The following BMS1 variants were observed in gnomAD, a reference collection of about 807,000 sequenced individuals.
BMS1 encodes ribosome biogenesis protein BMS1 homolog.
Under a neutral mutation model 138.7 loss-of-function variants are expected in BMS1, and 53 were observed. That is an observed-to-expected ratio of 0.38 (90% CI 0.31 to 0.48). The LOEUF is 0.48. BMS1 is among the 20% of genes least tolerant of loss of function. BMS1 has a pLI of 0.97. For synonymous variants in BMS1, 504 were observed against 539.9 expected, an observed-to-expected ratio of 0.93 and a Z score of 0.92; for missense variants, 1,360 against 1,565.5, an observed-to-expected ratio of 0.87 and a Z score of 2.22.
intron 13 of BMS1, among the ~76,000 whole-genome samples, chr10:42,813,254 G>A (rs935929360): frequency 4.6e-5 from 7 of 152,110 alleles, no homozygotes; most frequent in African/African-American, 9.7e-5. Flanking sequence ...CCATCCATCC[G>A]TCTTTTGGTT....
chr10:42,820,169 T>C, intron 15 of BMS1, 67 bp from the exon 16 acceptor site: 4 of 1,562,564 alleles, frequency 2.6e-6, no homozygotes, highest in Non-Finnish European at 2.6e-6. Context: ...TGCTCATTTG[T>C]TCATGTTAAT....
intron 21 of BMS1, among the ~76,000 whole-genome samples, chr10:42,827,782 A>T (rs1301671822): frequency 2.0e-5 from 3 of 152,028 alleles, no homozygotes; most frequent in Admixed American, 1.3e-4. Flanking sequence ...CTTTCATCAA[A>T]ATATAGTTGT....
At chr10:42,816,470 T>C in intron 13 of BMS1, 129 bp from the exon 14 acceptor site, 1 of 636,728 alleles carries the variant, frequency 1.6e-6, no homozygotes, top group Non-Finnish European at 2.6e-6. Flanking sequence ...GTTTTGCCTG[T>C]GTGTGTAGTG....
intron 13 of BMS1, among the ~76,000 whole-genome samples, chr10:42,804,883 A>G (rs1841971047): frequency 6.6e-6 from 1 of 151,660 alleles, no homozygotes; most frequent in Admixed American, 6.6e-5. Context: ...ACGCCTGCCT[A>G]ATTTTTGTGT....
Position 42,833,365 on chromosome 10 carries a change from T to TC in BMS1, c.*2270dup, listed in dbSNP as rs1842830768. 1 of 152,238 alleles carries TC rather than the reference T, an allele frequency of 6.6e-6. No individual in the cohort carries two copies. Among genetic ancestry groups the TC allele is most frequent in the Non-Finnish European group, 1.5e-5 (1 of 68,046 alleles). 9.4% of individuals were successfully genotyped at this position (152,238 alleles called of 1,614,324 possible). A position where few individuals can be genotyped will look rare whatever the true frequency, so the allele number is the denominator to read the frequency against. ...ACCTGGCCAGGTTAGTAAAATACAG[T>TC]CACACATCAGTTAAGGATGGGGATA... On this transcript the variant is annotated 3_prime_UTR_variant, in exon 23 of 23. Transcript: ENST00000374518.
chr10:42,823,209 T>C lies in BMS1; in HGVS notation c.3224T>C (p.Leu1075Pro). 1 of 1,606,870 alleles carries C rather than the reference T, an allele frequency of 6.2e-7. No homozygotes were observed. Among genetic ancestry groups the C allele is most frequent in the Non-Finnish European group, 8.5e-7 (1 of 1,178,266 alleles). Residue 1075 changes from leucine to proline, a missense_variant, in exon 20 of 23, where the codon CTC (leucine) becomes CCC (proline). By Grantham distance (98) the Leu-to-Pro change is moderately conservative. This residue lies in a region of BMS1 where 425 missense variants were observed against 568.3 expected (regional missense o/e 0.75). Transcript: ENST00000374518. ...ATAAGGGGGCAGATCAAGAAAGCAC[T>C]CCGAGCTCCAGAAGGAGCTTTCAGG... is the stretch of plus-strand genomic sequence containing the variant. ...SGIRGQIKKA[L>P]RAPEGAFRAS...
chr10:42,783,371 C>T (rs1005946071), intron 1 of BMS1, among the ~76,000 whole-genome samples: 4 of 152,198 alleles, frequency 2.6e-5, no homozygotes, highest in African/African-American at 9.7e-5. Flanking sequence ...TCCAGTAGCA[C>T]CCTGTGCAGC....
rs1187484256 is a variant in BMS1 at position 42,821,894 on chromosome 10, T to G, written c.3010-168T>G. Among the ~76,000 whole-genome samples, 3 of 152,178 alleles carry G rather than the reference T, an allele frequency of 2.0e-5. No individual in the cohort carries two copies. The East Asian group carries it at 5.8e-4, about 29-fold the overall frequency. ...AGTTTGGCTTACCAACTTTAAAGTT[T>G]TGGATTGCTTTTGTCAAACCACTGG... On this transcript the variant is annotated intron_variant, in intron 18 of 22. Coordinates refer to ENST00000374518, the MANE Select transcript of BMS1 (RefSeq NM_014753.4).
intron 15 of BMS1, 148 bp from the exon 16 acceptor site, chr10:42,820,087 TG>T: frequency 9.5e-7 from 1 of 1,056,206 alleles, no homozygotes; most frequent in Non-Finnish European, 1.3e-6. Context: ...CCACTGTACC[TG>T]GCCAAATGTG....
chr10:42,818,593 A>G (rs1842416216), intron 15 of BMS1, among the ~76,000 whole-genome samples: 1 of 152,170 alleles, frequency 6.6e-6, no homozygotes, highest in African/African-American at 2.4e-5. Flanking sequence ...TCCTGGAAGG[A>G]CGGGTTGTTG....
In BMS1 at chr10:42,785,557, G is replaced by A. The variant is rs757553886; in HGVS notation, c.252G>A (p.Val84=). Residue 84 remains valine (V), a synonymous_variant, in exon 3 of 23, where the codon GTG becomes GTA. Coordinates refer to ENST00000374518, the MANE Select transcript of BMS1 (RefSeq NM_014753.4). The part of the protein sequence containing the change: ...DRTPLEPPPI[V]VVVMGPPKVG... Reference sequence around the variant, plus strand: ...CTCCACTAGAGCCCCCACCAATAGTGGTAGTGGTGATGGGACCTCCAAAAG... The same window carrying A: ...CTCCACTAGAGCCCCCACCAATAGTAGTAGTGGTGATGGGACCTCCAAAAG... 1 of 1,613,878 alleles carries A rather than the reference G, an allele frequency of 6.2e-7. No individual in the cohort carries two copies. The highest frequency in any genetic ancestry group is 1.7e-5 in the Admixed American group (1 of 60,016).
intron 12 of BMS1, among the ~76,000 whole-genome samples, chr10:42,801,214 A>G (rs986184819): frequency 2.6e-5 from 4 of 152,242 alleles, no homozygotes; most frequent in Non-Finnish European, 5.9e-5. Context: ...AGGAGAGCTC[A>G]TATAGATATT....
Position 42,820,578 on chromosome 10 carries a change from G to C in BMS1, c.2840G>C (p.Gly947Ala), listed in dbSNP as rs2795530. 6.2e-7 allele frequency: 1 copy of C among 1,611,380 alleles called. No homozygotes were observed. The highest frequency in any genetic ancestry group is 2.3e-4 in the Middle Eastern group (1 of 4,430). Residue 947 changes from glycine to alanine, a missense_variant, in exon 17 of 23, where the codon GGG becomes GCG. Gly to Ala is a moderately conservative substitution (Grantham distance 60). Coordinates refer to ENST00000374518, the MANE Select transcript of BMS1 (RefSeq NM_014753.4). Reference sequence around the variant, plus strand: ...CGAGATCCAATCATATTTTCTGTAGGGTGGAGGAGGTTTCAGACCATCCCA... The same window carrying C: ...CGAGATCCAATCATATTTTCTGTAGCGTGGAGGAGGTTTCAGACCATCCCA... ...KSRDPIIFSV[G>A]WRRFQTIPLY...
rs375112560 is a variant in BMS1 at position 42,785,628 on chromosome 10, G to C, written c.323G>C (p.Arg108Pro). ...CAATGCCTCATTCGGAACTTTACCC[G>C]GCAGAAGTTGACTGAGATCAGAGGC... is the stretch of plus-strand genomic sequence containing the variant. ...LIQCLIRNFTRQKLTEIRGPV... is the reference protein window; with the variant it reads ...LIQCLIRNFTPQKLTEIRGPV... Residue 108 changes from arginine to proline, a missense_variant, in exon 3 of 23, where the codon CGG (arginine) becomes CCG (proline). Physicochemically the swap from Arg to Pro is moderately radical, Grantham distance 103. Around this residue, in one of 3 missense-constraint regions of BMS1, gnomAD observed 238 missense variants for 311.1 expected, o/e 0.77. Coordinates refer to ENST00000374518, the MANE Select transcript of BMS1 (RefSeq NM_014753.4). 6.2e-7 allele frequency: 1 copy of C among 1,613,888 alleles called. No homozygotes were observed. The highest frequency in any genetic ancestry group is 8.5e-7 in the Non-Finnish European group (1 of 1,179,840).
At chr10:42,826,739 G>C (rs1466025773) in intron 21 of BMS1, among the ~76,000 whole-genome samples, 4 of 152,220 alleles carry the variant, frequency 2.6e-5, no homozygotes, top group Admixed American at 1.3e-4. Flanking sequence ...GGCAGGTGTG[G>C]CTGCTCAGCT....
At chr10:42,794,112 T>G in intron 9 of BMS1, 121 bp downstream of exon 9, 1 of 1,072,016 alleles carries the variant, frequency 9.3e-7, no homozygotes, top group Non-Finnish European at 1.3e-6. Flanking sequence ...TGTTTTTCTT[T>G]GTGTGTGCAT....
At chr10:42,786,282 GA>G (rs1268927260) in intron 3 of BMS1, among the ~76,000 whole-genome samples, 3 of 152,226 alleles carry the variant, frequency 2.0e-5, no homozygotes, top group African/African-American at 7.2e-5. Flanking sequence ...TCTGCTTTGG[GA>G]GATGGTGACC....
intron 19 of BMS1, among the ~76,000 whole-genome samples, chr10:42,822,828 G>T (rs969216961): frequency 8.5e-5 from 13 of 152,320 alleles, no homozygotes; most frequent in African/African-American, 2.9e-4. Context: ...GCCAGGAAAG[G>T]CTGCCTAGGC....
Position 42,807,468 on chromosome 10 carries a change from T to G in BMS1, c.2329+5250T>G, listed in dbSNP as rs571279621. Among the ~76,000 whole-genome samples, 216 of 152,208 alleles carry G rather than the reference T, an allele frequency of 1.4e-3. 6 individuals carry two copies. The South Asian group carries it at 0.042, about 30-fold the overall frequency. Reference sequence around the variant, plus strand: ...AGATCAAGCTGGGTTGTTTACAGTTTGTTTTGTTTTGTTTTGTTTTCAGAC... The same window carrying G: ...AGATCAAGCTGGGTTGTTTACAGTTGGTTTTGTTTTGTTTTGTTTTCAGAC... On this transcript the variant is annotated intron_variant, in intron 13 of 22. Coordinates refer to ENST00000374518, the MANE Select transcript of BMS1 (RefSeq NM_014753.4).
Sources: allele counts gnomAD v4.1 joint callset (sites outside exome capture counted in the v4.1 genomes callset), GRCh38; gene constraint gnomAD v4.1.1; regional missense constraint gnomAD v4.1.1; transcripts MANE v1.5; gene names NCBI Gene and HGNC (gene_info 2026-07-23, HGNC 2026-07-21).